The following CNTNAP2 variants were observed in gnomAD, a reference collection of about 807,000 sequenced individuals.
The protein encoded by CNTNAP2 is contactin-associated protein-like 2.
A neutral mutation model predicts 155.2 loss-of-function variants in CNTNAP2; 98 were observed. The ratio of observed to expected loss-of-function variants is 0.63; its 90% CI spans 0.54 to 0.75. The LOEUF (loss-of-function observed/expected upper bound fraction) is 0.75. CNTNAP2 is among the 30% of genes least tolerant of loss of function. CNTNAP2 has a pLI of 0.00. For missense variants in CNTNAP2, 1,727 were observed against 1,688.1 expected, an observed-to-expected ratio of 1.02 and a Z score of -0.40; for synonymous variants, 651 against 631.2, an observed-to-expected ratio of 1.03 and a Z score of -0.47.
intron 8 of CNTNAP2, among the ~76,000 whole-genome samples, chr7:147,204,303 G>T (rs1448215724): frequency 6.6e-6 from 1 of 152,024 alleles, no homozygotes. Context: ...GTATAAAAAT[G>T]TTGCATTTAA....
intron 9 of CNTNAP2, among the ~76,000 whole-genome samples, chr7:147,363,082 C>T (rs968336089): frequency 6.6e-6 from 1 of 152,162 alleles, no homozygotes; most frequent in Non-Finnish European, 1.5e-5. Context: ...TCACCTGTGG[C>T]TCAGGTGATA....
chr7:146,667,765 CT>C (rs1294577098), intron 1 of CNTNAP2, among the ~76,000 whole-genome samples: 1 of 150,640 alleles, frequency 6.6e-6, no homozygotes, highest in Admixed American at 6.6e-5. Flanking sequence ...TTCTTGATCT[CT>C]TTTTTTTAGT....
At chr7:147,185,641 A>C (rs1484180828) in intron 8 of CNTNAP2, among the ~76,000 whole-genome samples, 1 of 152,186 alleles carries the variant, frequency 6.6e-6, no homozygotes, top group Non-Finnish European at 1.5e-5. Flanking sequence ...AAAAAACCAA[A>C]ATTCAGAATA....
At chr7:148,155,365 C>A (rs757919029) in intron 17 of CNTNAP2, among the ~76,000 whole-genome samples, 4 of 152,104 alleles carry the variant, frequency 2.6e-5, no homozygotes, top group Non-Finnish European at 4.4e-5. Context: ...CAGTCGAGCT[C>A]GCCTCCACTT....
chr7:146,286,199 C>T (rs192181177), intron 1 of CNTNAP2, among the ~76,000 whole-genome samples: 116 of 150,872 alleles, frequency 7.7e-4, no homozygotes, highest in African/African-American at 2.8e-3. Context: ...TCATTTTAAT[C>T]CCTAACTAAC....
chr7:147,567,950 G>A (rs1033795974), intron 12 of CNTNAP2, among the ~76,000 whole-genome samples: 1 of 152,138 alleles, frequency 6.6e-6, no homozygotes, highest in African/African-American at 2.4e-5. Context: ...ACTGGGTGTG[G>A]TGGCGCACAC....
chr7:146,882,903 T>C (rs1327025332), intron 3 of CNTNAP2, among the ~76,000 whole-genome samples: 1 of 152,146 alleles, frequency 6.6e-6, no homozygotes, highest in Non-Finnish European at 1.5e-5. Context: ...CATAAAACAC[T>C]GCTGAAAGAA....
intron 20 of CNTNAP2, among the ~76,000 whole-genome samples, chr7:148,264,618 C>G (rs1010847295): frequency 6.6e-6 from 1 of 152,080 alleles, no homozygotes; most frequent in African/African-American, 2.4e-5. Flanking sequence ...CTGTGTTTTT[C>G]TATAATGAAC....
chr7:147,300,012 T>A, intron 8 of CNTNAP2, 129 bp from the exon 9 acceptor site: 2 of 960,460 alleles, frequency 2.1e-6, no homozygotes. Flanking sequence ...TCAGTTTGAA[T>A]TGTAAGCAGC....
chr7:147,691,376 A>G (rs146721888), intron 13 of CNTNAP2, among the ~76,000 whole-genome samples: 2,503 of 152,284 alleles, frequency 0.016, 222 homozygotes, highest in Admixed American at 0.15. Flanking sequence ...TGGTATAAAT[A>G]TTCCCTGTGT....
intron 1 of CNTNAP2, among the ~76,000 whole-genome samples, chr7:146,527,760 G>A (rs1380924697): frequency 6.6e-6 from 1 of 151,840 alleles, no homozygotes; most frequent in Non-Finnish European, 1.5e-5. Flanking sequence ...TTCGACAAGT[G>A]GATAATGTTA....
intron 3 of CNTNAP2, among the ~76,000 whole-genome samples, chr7:146,933,901 A>G (rs1424575687): frequency 1.3e-5 from 2 of 151,744 alleles, no homozygotes; most frequent in East Asian, 3.9e-4. Context: ...ATACCATCTC[A>G]CACCAGTTAG....
chr7:146,506,534 G>T (rs2129134350), intron 1 of CNTNAP2, among the ~76,000 whole-genome samples: 1 of 152,216 alleles, frequency 6.6e-6, no homozygotes, highest in Non-Finnish European at 1.5e-5. Flanking sequence ...CCTCATCATT[G>T]CCCAGGGCAG....
intron 1 of CNTNAP2, among the ~76,000 whole-genome samples, chr7:146,161,694 G>C (rs562251650): frequency 1.3e-5 from 2 of 152,230 alleles, no homozygotes; most frequent in South Asian, 4.1e-4. Flanking sequence ...AAAAGAGCCC[G>C]CATTGCCAAG....
chr7:148,160,804 G>T (rs540525649), intron 17 of CNTNAP2, among the ~76,000 whole-genome samples: 5 of 152,112 alleles, frequency 3.3e-5, no homozygotes, highest in African/African-American at 4.8e-5. Context: ...CACTTCATGA[G>T]TGCCTTCCAT....
At chr7:147,276,420 A>G (rs1276944964) in intron 8 of CNTNAP2, among the ~76,000 whole-genome samples, 1 of 152,086 alleles carries the variant, frequency 6.6e-6, no homozygotes, top group Admixed American at 6.6e-5. Context: ...ATTAAGACCA[A>G]TAAAATGTTT....
intron 8 of CNTNAP2, among the ~76,000 whole-genome samples, chr7:147,188,663 C>T (rs1802617548): frequency 2.0e-5 from 3 of 152,056 alleles, no homozygotes; most frequent in African/African-American, 4.8e-5. Flanking sequence ...GTTCAAGGTG[C>T]AAAGATATTC....
chr7:148,407,451 C>A (rs1799728318), intron 22 of CNTNAP2, among the ~76,000 whole-genome samples: 1 of 152,136 alleles, frequency 6.6e-6, no homozygotes, highest in Non-Finnish European at 1.5e-5. Flanking sequence ...CACCTGTAAT[C>A]CCAGCACTTT....
chr7:147,298,446 T>C (rs981807515), intron 8 of CNTNAP2, among the ~76,000 whole-genome samples: 1 of 151,716 alleles, frequency 6.6e-6, no homozygotes, highest in African/African-American at 2.4e-5. Flanking sequence ...AGGGGCTCAG[T>C]AAGTATTACT....
Sources: allele counts gnomAD v4.1 joint callset (sites outside exome capture counted in the v4.1 genomes callset), GRCh38; gene constraint gnomAD v4.1.1; transcripts MANE v1.5; gene names NCBI Gene and HGNC (gene_info 2026-07-23, HGNC 2026-07-21).